Variants in AP3S2 observed in about 807,000 individuals in gnomAD.
AP3S2 encodes the protein adaptor related protein complex 3 subunit sigma 2.
A neutral mutation model predicts 23.4 loss-of-function variants in AP3S2; 22 were observed. The observed-to-expected ratio is 0.94, with a 90% CI of 0.67 to 1.34. AP3S2 has a LOEUF of 1.34. AP3S2 is among the 40% of genes most tolerant of loss of function. The pLI, the probability that AP3S2 is intolerant of heterozygous loss-of-function variation, is 0.00. For missense variants in AP3S2, 241 were observed against 236.9 expected, an observed-to-expected ratio of 1.02 and a Z score of -0.11; for synonymous variants, 86 against 87.1, an observed-to-expected ratio of 0.99 and a Z score of 0.07.
intron 4 of AP3S2, among the ~76,000 whole-genome samples, chr15:89,839,293 G>A (rs992446576): frequency 3.9e-5 from 6 of 152,178 alleles, no homozygotes; most frequent in Non-Finnish European, 8.8e-5. Flanking sequence ...AGTAAGTGCA[G>A]GGAACTTCTG....
At chr15:89,839,794 A>C (rs188791914) in intron 4 of AP3S2, among the ~76,000 whole-genome samples, 32 of 152,376 alleles carry the variant, frequency 2.1e-4, no homozygotes, top group Non-Finnish European at 3.5e-4. Context: ...GATCAACAAA[A>C]TGTGCCATAG....
intron 5 of AP3S2, 113 bp downstream of exon 5, chr15:89,837,502 T>C: frequency 8.4e-7 from 1 of 1,189,772 alleles, no homozygotes; most frequent in South Asian, 1.4e-5. Flanking sequence ...AGAAAGAAGA[T>C]GAGTATCATT....
At chr15:89,877,223 C>A in intron 3 of AP3S2, 1 of 862,540 alleles carries the variant, frequency 1.2e-6, no homozygotes, top group South Asian at 1.3e-5. Flanking sequence ...AAGGCAAGAT[C>A]ACAGACCCAC....
In AP3S2 at chr15:89,869,774, GAC is replaced by G. The variant is rs1259688194; in HGVS notation, c.345+1699_345+1700del. 2.0e-5 allele frequency among the ~76,000 whole-genome samples: 3 copies of G among 150,128 alleles called. No individual in the cohort carries two copies. In the East Asian group the frequency reaches 5.9e-4, roughly 29 times the overall value. Reference sequence around the variant, plus strand: ...AATTTGGTTGTTTTTTTTTTTTTGAGACACAGTCTCGCTCTGTTGCCCAGGCT... The same window carrying G: ...AATTTGGTTGTTTTTTTTTTTTTGAGACAGTCTCGCTCTGTTGCCCAGGCT... On this transcript the variant is annotated intron_variant, in intron 4 of 5. Coordinates refer to ENST00000336418, the MANE Select transcript of AP3S2 (RefSeq NM_005829.5).
At chr15:89,882,827 T>C (rs1487392755) in intron 3 of AP3S2, among the ~76,000 whole-genome samples, 3 of 152,246 alleles carry the variant, frequency 2.0e-5, no homozygotes, top group Non-Finnish European at 4.4e-5. Flanking sequence ...CTGTCCTTTT[T>C]CCCTAGAAAT....
chr15:89,866,837 T>G (rs1896135683), intron 4 of AP3S2, among the ~76,000 whole-genome samples: 1 of 151,982 alleles, frequency 6.6e-6, no homozygotes, highest in Non-Finnish European at 1.5e-5. Flanking sequence ...TCTGCCTATC[T>G]CTCCACTAGC....
intron 4 of AP3S2, among the ~76,000 whole-genome samples, chr15:89,846,057 T>TA (rs1346058356): frequency 6.6e-6 from 1 of 152,222 alleles, no homozygotes; most frequent in Non-Finnish European, 1.5e-5. Flanking sequence ...GATATCTTGA[T>TA]ATAAGGGGAA....
chr15:89,881,221 G>C (rs1193869356), intron 3 of AP3S2, among the ~76,000 whole-genome samples: 1 of 152,168 alleles, frequency 6.6e-6, no homozygotes, highest in African/African-American at 2.4e-5. Context: ...ACGGTGAGGG[G>C]AGAGAGAGGC....
At chr15:89,884,517 T>C (rs1361743658) in intron 3 of AP3S2, among the ~76,000 whole-genome samples, 2 of 152,212 alleles carry the variant, frequency 1.3e-5, no homozygotes, top group East Asian at 1.9e-4. Flanking sequence ...ACACTGCTTG[T>C]TAATGGCAGA....
At chr15:89,867,794 A>G (rs1422377867) in intron 4 of AP3S2, among the ~76,000 whole-genome samples, 1 of 132,506 alleles carries the variant, frequency 7.5e-6, no homozygotes, top group Admixed American at 7.4e-5. Context: ...CCGTATGAGA[A>G]GTGAGGAGCC....
intron 3 of AP3S2, among the ~76,000 whole-genome samples, chr15:89,885,741 A>T (rs1896683431): frequency 6.6e-6 from 1 of 151,804 alleles, no homozygotes; most frequent in Admixed American, 6.6e-5. Context: ...GAGATGTTCG[A>T]GACCAGCCTG....
chr15:89,891,700 A>G (rs1326893860), intron 1 of AP3S2, among the ~76,000 whole-genome samples: 1 of 152,092 alleles, frequency 6.6e-6, no homozygotes, highest in Non-Finnish European at 1.5e-5. Flanking sequence ...TACACCCACT[A>G]AAATGTCTTT....
chr15:89,851,402 G>A (rs1356310375), intron 4 of AP3S2, among the ~76,000 whole-genome samples: 2 of 151,668 alleles, frequency 1.3e-5, no homozygotes, highest in African/African-American at 2.4e-5. Flanking sequence ...GCAGTGGTGC[G>A]ATCTCAGCTC....
chr15:89,848,329 C>T (rs996773670), intron 4 of AP3S2, among the ~76,000 whole-genome samples: 5 of 152,240 alleles, frequency 3.3e-5, no homozygotes, highest in African/African-American at 9.6e-5. Context: ...TGACAAGACT[C>T]TAGTCTACTA....
chr15:89,891,298 T>C (rs1050649055), intron 1 of AP3S2, among the ~76,000 whole-genome samples: 2 of 152,248 alleles, frequency 1.3e-5, no homozygotes, highest in Admixed American at 1.3e-4. Context: ...GATCCAAAGA[T>C]ACACGAATGG....
chr15:89,840,043 C>T (rs1415667304), intron 4 of AP3S2, among the ~76,000 whole-genome samples: 3 of 152,072 alleles, frequency 2.0e-5, no homozygotes, highest in Admixed American at 6.6e-5. Context: ...CGGGGGCTGC[C>T]ATGAGGCAGG....
At chr15:89,848,256 G>C (rs535183852) in intron 4 of AP3S2, among the ~76,000 whole-genome samples, 1 of 152,344 alleles carries the variant, frequency 6.6e-6, no homozygotes, top group East Asian at 1.9e-4. Context: ...CACAGTGCTT[G>C]TATTAAAACA....
intron 4 of AP3S2, among the ~76,000 whole-genome samples, chr15:89,844,232 T>C (rs1276921791): frequency 1.7e-5 from 1 of 59,124 alleles, no homozygotes; most frequent in East Asian, 4.5e-4. Flanking sequence ...TCTTTCTTTC[T>C]TTCTTTCTTT....
intron 4 of AP3S2, among the ~76,000 whole-genome samples, chr15:89,852,970 C>T (rs1289330106): frequency 6.6e-6 from 1 of 152,158 alleles, no homozygotes; most frequent in African/African-American, 2.4e-5. Flanking sequence ...GGTCTTTGTA[C>T]ATAAGAAGGG....
Sources: allele counts gnomAD v4.1 joint callset (sites outside exome capture counted in the v4.1 genomes callset), GRCh38; gene constraint gnomAD v4.1.1; transcripts MANE v1.5; gene names NCBI Gene and HGNC (gene_info 2026-07-23, HGNC 2026-07-21).